Variants in SOAT1 observed in about 807,000 individuals in gnomAD.
SOAT1 encodes the protein acyl-coenzyme A:cholesterol acyltransferase 1.
Under a neutral mutation model 69.5 loss-of-function variants are expected in SOAT1, and 55 were observed. The observed-to-expected ratio is 0.79, with a 90% confidence interval of 0.64 to 0.99. The LOEUF is 0.99. Ranked by LOEUF, SOAT1 falls within the 50% of genes least tolerant of loss-of-function variation. The pLI, the probability that SOAT1 is intolerant of heterozygous loss-of-function variation, is 0.00. For synonymous variants in SOAT1, 231 were observed against 224.7 expected, an observed-to-expected ratio of 1.03 and a Z score of -0.25; for missense variants, 580 against 669.3, an observed-to-expected ratio of 0.87 and a Z score of 1.47.
intron 6 of SOAT1, among the ~76,000 whole-genome samples, chr1:179,340,502 A>T (rs1390679519): frequency 6.6e-6 from 1 of 152,178 alleles, no homozygotes; most frequent in East Asian, 1.9e-4. Context: ...TTAAAACTCA[A>T]ATTGTAGCTT....
chr1:179,342,790 T>TA lies in SOAT1; in HGVS notation c.860-71dup. Reference sequence around the variant, plus strand: ...TATTCTTCCCTGTTCTGTGCTTCCTTATATTCCCCCCTGTATTTTTGCTGT... The same window carrying TA: ...TATTCTTCCCTGTTCTGTGCTTCCTTAATATTCCCCCCTGTATTTTTGCTGT... On this transcript the variant is annotated intron_variant, in intron 8 of 15. Coordinates refer to ENST00000367619, the MANE Select transcript of SOAT1 (RefSeq NM_003101.6). The TA allele has an allele frequency of 2.8e-6, 3 of 1,065,290 alleles. No homozygotes were observed. In the South Asian group the frequency reaches 3.8e-5, roughly 14 times the overall value. The allele number at this position is 1,065,290 out of a possible 1,614,324, so 66.0% of individuals were successfully genotyped here.
intron 2 of SOAT1, among the ~76,000 whole-genome samples, chr1:179,304,426 C>T (rs1664936435): frequency 3.3e-5 from 5 of 151,918 alleles, no homozygotes; most frequent in Admixed American, 2.0e-4. Flanking sequence ...TACAAGCATG[C>T]GTCACCACGT....
At chr1:179,317,087 T>C (rs927051639) in intron 2 of SOAT1, among the ~76,000 whole-genome samples, 4 of 152,202 alleles carry the variant, frequency 2.6e-5, no homozygotes, top group Admixed American at 6.5e-5. Flanking sequence ...TAAGCTTAAA[T>C]TACCCCAAAT....
intron 13 of SOAT1, 100 bp from the exon 14 acceptor site, chr1:179,350,196 A>G: frequency 1.1e-6 from 1 of 928,472 alleles, no homozygotes; most frequent in South Asian, 1.7e-5. Context: ...TTAAGTACAA[A>G]TACAATAGGT....
rs768108908 is a variant in SOAT1 at position 179,341,133 on chromosome 1, T to C, written c.603T>C (p.Phe201=). 5 of 1,614,022 alleles carry C rather than the reference T, an allele frequency of 3.1e-6. No individual in the cohort carries two copies. In the East Asian group the frequency reaches 1.1e-4, roughly 36 times the overall value. Residue 201 remains phenylalanine, a synonymous_variant, in exon 7 of 16, where the codon TTT becomes TTC. Coordinates refer to ENST00000367619, the MANE Select transcript of SOAT1 (RefSeq NM_003101.6). ...MFLSTFSVPY[F]LFQHWATGYS... ...TGTCTACATTTTCAGTTCCCTATTT[T>C]CTGTTTCAACATTGGGCCACTGGCT...
chr1:179,352,066 C>A lies in SOAT1; in HGVS notation c.1596+604C>A, dbSNP rs186464023. Among the ~76,000 whole-genome samples the A allele has an allele frequency of 1.5e-4, 23 of 151,788 alleles. No individual in the cohort carries two copies. In the East Asian group the frequency reaches 3.3e-3, roughly 22 times the overall value. Reference sequence around the variant, plus strand: ...CCATGTATGTCCCTACTACCACCACCTAAAACATACCTTTTTTTTTTTTTA... The same window carrying A: ...CCATGTATGTCCCTACTACCACCACATAAAACATACCTTTTTTTTTTTTTA... On this transcript the variant is annotated intron_variant, in intron 15 of 15. Coordinates refer to ENST00000367619, the MANE Select transcript of SOAT1 (RefSeq NM_003101.6).
chr1:179,323,578 T>C, intron 3 of SOAT1, 83 bp downstream of exon 3: 2 of 1,118,052 alleles, frequency 1.8e-6, no homozygotes, highest in East Asian at 2.4e-5. Flanking sequence ...GCTAAATTGC[T>C]CAGATAATTA....
chr1:179,319,295 A>G (rs1665511885), intron 2 of SOAT1, among the ~76,000 whole-genome samples: 1 of 141,272 alleles, frequency 7.1e-6, no homozygotes, highest in Non-Finnish European at 1.5e-5. Context: ...TAAAAGACAG[A>G]GTCTCGCTGT....
At chr1:179,340,820 G>GATATAT (rs67855683) in intron 6 of SOAT1, among the ~76,000 whole-genome samples, 2,063 of 147,290 alleles carry the variant, frequency 0.014, 16 homozygotes, top group Non-Finnish European at 0.017. Context: ...ATATATTGTT[G>GATATAT]ATATATATAT....
intron 1 of SOAT1, among the ~76,000 whole-genome samples, chr1:179,297,766 T>C (rs1243554265): frequency 1.4e-5 from 2 of 144,244 alleles, no homozygotes; most frequent in South Asian, 2.3e-4. Flanking sequence ...GCGCGGTGGC[T>C]CACACCTGTA....
At chr1:179,320,000 T>TC (rs1232224637) in intron 2 of SOAT1, among the ~76,000 whole-genome samples, 2 of 152,188 alleles carry the variant, frequency 1.3e-5, no homozygotes, top group Non-Finnish European at 2.9e-5. Context: ...ATTTTTTTTT[T>TC]TCCCATTCTA....
intron 1 of SOAT1, among the ~76,000 whole-genome samples, chr1:179,296,210 C>T (rs12026841): frequency 0.21 from 31,341 of 151,742 alleles, 3,578 homozygotes; most frequent in East Asian, 0.46. Flanking sequence ...CTCAGATGAT[C>T]GGTCTGCCTC....
Position 179,335,661 on chromosome 1 carries a change from A to C in SOAT1, c.329+4A>C. On this transcript the variant is annotated splice_donor_region_variant and intron_variant, in intron 4 of 15. Transcript: ENST00000367619. ...AGAAAAACAACCATAGAGCGAAGTA[A>C]GTATGTGCTATTTTCTTTTAATGCA... 1 of 1,607,086 alleles carries C rather than the reference A, an allele frequency of 6.2e-7. No homozygotes were observed.
rs1054816708 is a variant in SOAT1, at chr1:179,335,388, C to G, written c.178-118C>G. The G allele has an allele frequency of 1.2e-5, 10 of 859,914 alleles. No homozygotes were observed. In the Admixed American group the frequency reaches 3.0e-4, roughly 26 times the overall value. The allele number at this position is 859,914 out of a possible 1,614,324, so 53.3% of individuals were successfully genotyped here. On this transcript the variant is annotated intron_variant, in intron 3 of 15. Coordinates refer to ENST00000367619, the MANE Select transcript of SOAT1 (RefSeq NM_003101.6). ...AATTGATTTTTTGCTTTTACTCCTG[C>G]GAACTCACTATGTCTTTCTTTTGAT...
rs1666326979 is a variant in SOAT1 at position 179,341,229 on chromosome 1, A to T, written c.699A>T (p.Gly233=). ...TTCTTTTCATGATCTTCCAGATTGG[A>T]GTTCTAGGTTTTGGACCAACATATG... is the stretch of plus-strand genomic sequence containing the variant. ...HGFLFMIFQI[G]VLGFGPTYVV... is the part of the protein sequence containing the mutation. The change falls in exon 7 of 16, where the codon GGA becomes GGT. Residue 233 remains glycine, a synonymous_variant. Transcript: ENST00000367619. The T allele has an allele frequency of 6.2e-7, 1 of 1,613,900 alleles. No homozygotes were observed. The highest frequency in any genetic ancestry group is 1.7e-5 in the Admixed American group (1 of 59,976).
At chr1:179,330,695 G>A (rs1665941473) in intron 3 of SOAT1, among the ~76,000 whole-genome samples, 1 of 152,242 alleles carries the variant, frequency 6.6e-6, no homozygotes, top group African/African-American at 2.4e-5. Flanking sequence ...GTCAGACATG[G>A]TAGACGTTTC....
At chr1:179,322,218 T>A (rs1665628843) in intron 2 of SOAT1, among the ~76,000 whole-genome samples, 1 of 152,090 alleles carries the variant, frequency 6.6e-6, no homozygotes, top group Non-Finnish European at 1.5e-5. Flanking sequence ...CACTTTTATT[T>A]CCCTTAACAT....
chr1:179,301,201 G>A (rs1047173751), intron 1 of SOAT1, among the ~76,000 whole-genome samples: 1 of 152,162 alleles, frequency 6.6e-6, no homozygotes, highest in Non-Finnish European at 1.5e-5. Flanking sequence ...CCAAGTAGCT[G>A]GGACTACAGC....
chr1:179,349,205 A>G (rs979363117), intron 13 of SOAT1, among the ~76,000 whole-genome samples: 3 of 152,126 alleles, frequency 2.0e-5, no homozygotes, highest in African/African-American at 7.2e-5. Flanking sequence ...GTAAGAATGC[A>G]TGGAGGTTGT....
Sources: allele counts gnomAD v4.1 joint callset (sites outside exome capture counted in the v4.1 genomes callset), GRCh38; gene constraint gnomAD v4.1.1; transcripts MANE v1.5; gene names NCBI Gene and HGNC (gene_info 2026-07-23, HGNC 2026-07-21).